ANKRD28: variants seen among roughly 807,000 people sequenced by gnomAD.
ANKRD28 encodes ankyrin repeat domain 28, also known as serine/threonine-protein phosphatase 6 regulatory ankyrin repeat subunit A.
ANKRD28 carries 44 observed loss-of-function variants against 126.5 expected under a neutral mutation model. That is an observed-to-expected ratio of 0.35 (90% CI 0.27 to 0.45). The LOEUF (loss-of-function observed/expected upper bound fraction) is 0.45. Ranked by LOEUF, ANKRD28 falls within the 20% of genes least tolerant of loss-of-function variation. The probability of loss-of-function intolerance (pLI) is 1.00; values close to 1 mark genes in which losing one functional copy is unlikely to be tolerated. For synonymous variants in ANKRD28, 442 were observed against 468.5 expected (o/e 0.94, Z 0.73); for missense variants, 1,110 against 1,316.6 (o/e 0.84, Z 2.43).
intron 4 of ANKRD28, among the ~76,000 whole-genome samples, chr3:15,750,957 G>A (rs531714544): frequency 2.0e-5 from 3 of 151,740 alleles, no homozygotes; most frequent in East Asian, 1.9e-4. Context: ...CTACTGTAAA[G>A]TAGGTAAAAT....
intron 18 of ANKRD28, among the ~76,000 whole-genome samples, chr3:15,688,009 C>G (rs767849335): frequency 1.3e-5 from 2 of 152,162 alleles, no homozygotes; most frequent in Non-Finnish European, 2.9e-5. Flanking sequence ...TGAAAGGCAT[C>G]TATAGATACA....
chr3:15,818,693 T>G (rs1035299264), intron 1 of ANKRD28, among the ~76,000 whole-genome samples: 2 of 152,156 alleles, frequency 1.3e-5, no homozygotes, highest in African/African-American at 4.8e-5. Flanking sequence ...ACAAGATACT[T>G]TAATATTTTT....
At chr3:15,708,127 A>C (rs2071715229) in intron 13 of ANKRD28, 63 bp from the exon 14 acceptor site, 1 of 1,514,876 alleles carries the variant, frequency 6.6e-7, no homozygotes, top group African/African-American at 1.4e-5. Flanking sequence ...AAACAAAAGC[A>C]TAGTTGACTC....
intron 4 of ANKRD28, among the ~76,000 whole-genome samples, chr3:15,749,441 T>A (rs991930593): frequency 6.6e-6 from 1 of 152,304 alleles, no homozygotes; most frequent in East Asian, 1.9e-4. Flanking sequence ...GGACTTCACT[T>A]TTCTCTGGTG....
At chr3:15,711,358 C>G in intron 11 of ANKRD28, 84 bp from the exon 12 acceptor site, 1 of 1,188,936 alleles carries the variant, frequency 8.4e-7, no homozygotes, top group South Asian at 1.3e-5. Flanking sequence ...AGAATCACAT[C>G]CTCCCCTCCA....
At chr3:15,848,354 G>A (rs1246904014) in intron 1 of ANKRD28, among the ~76,000 whole-genome samples, 1 of 152,178 alleles carries the variant, frequency 6.6e-6, no homozygotes, top group African/African-American at 2.4e-5. Flanking sequence ...CCTTGTGCAA[G>A]ACAGGGGCTA....
chr3:15,698,329 C>T (rs547923787), intron 14 of ANKRD28, among the ~76,000 whole-genome samples: 4 of 152,216 alleles, frequency 2.6e-5, no homozygotes, highest in African/African-American at 9.6e-5. Context: ...AAAACTGGCA[C>T]AAGACAGGGA....
chr3:15,746,693 T>C (rs2057499004), intron 4 of ANKRD28, among the ~76,000 whole-genome samples: 1 of 152,158 alleles, frequency 6.6e-6, no homozygotes, highest in African/African-American at 2.4e-5. Flanking sequence ...TTCCCTGGTT[T>C]TGGTATTAGG....
intron 4 of ANKRD28, among the ~76,000 whole-genome samples, chr3:15,739,960 T>A (rs1019168076): frequency 1.3e-5 from 2 of 152,210 alleles, no homozygotes; most frequent in Non-Finnish European, 2.9e-5. Context: ...CATCCAAGAA[T>A]GCTCATAGCA....
chr3:15,678,283 T>C lies in ANKRD28; in HGVS notation c.2633A>G (p.Gln878Arg). The C allele has an allele frequency of 1.9e-6, 3 of 1,613,166 alleles. No individual in the cohort carries two copies. The highest frequency in any genetic ancestry group is 1.7e-6 in the Non-Finnish European group (2 of 1,179,646). ...CCCTGTAGAGTCCACAGAATTGACTTGAGCATTATGGCTGAGCAGCAGCTG... is the reference window on the plus strand; with the variant it reads ...CCCTGTAGAGTCCACAGAATTGACTCGAGCATTATGGCTGAGCAGCAGCTG... ...CLQLLLSHNA[Q>R]VNSVDSTGKT... is the part of the protein sequence containing the mutation. Residue 878 changes from glutamine (Q) to arginine (R), a missense_variant, in exon 24 of 28, where the codon CAA becomes CGA. Physicochemically the swap from Gln to Arg is conservative, Grantham distance 43. Transcript: ENST00000683139.
At chr3:15,784,733 A>C (rs1002371605) in intron 2 of ANKRD28, among the ~76,000 whole-genome samples, 6 of 152,098 alleles carry the variant, frequency 3.9e-5, no homozygotes, top group African/African-American at 1.4e-4. Flanking sequence ...CGATCAAAAA[A>C]CAATATCCAA....
At position 15,668,928 on chromosome 3, in the gene ANKRD28, A is replaced by T. The variant is rs1294441687; in HGVS notation, c.*1342T>A. 1 of 152,688 alleles carries T rather than the reference A, an allele frequency of 6.5e-6. No individual in the cohort carries two copies. The highest frequency in any genetic ancestry group is 1.9e-4 in the East Asian group (1 of 5,200). The allele number at this position is 152,688 out of a possible 1,614,324, so 9.5% of individuals were successfully genotyped here. The stretch of plus-strand genomic sequence containing the variant: ...CATACCTGTAAGACCCTCAATGTAT[A>T]TGAAATCATTTTCACTGGGAAAGTG... On this transcript the variant is annotated 3_prime_UTR_variant, in exon 28 of 28. Transcript: ENST00000683139.
At chr3:15,749,232 TC>T (rs1178042425) in intron 4 of ANKRD28, among the ~76,000 whole-genome samples, 1 of 149,452 alleles carries the variant, frequency 6.7e-6, no homozygotes, top group African/African-American at 2.5e-5. Context: ...TGCCTCAGCC[TC>T]CCGAGTAGCT....
chr3:15,774,103 T>C (rs1436182121), intron 2 of ANKRD28, among the ~76,000 whole-genome samples: 1 of 152,158 alleles, frequency 6.6e-6, no homozygotes, highest in Non-Finnish European at 1.5e-5. Flanking sequence ...GCCACAAAAT[T>C]AACCTCCATC....
At chr3:15,837,486 AAAG>A (rs2061349940) in intron 1 of ANKRD28, among the ~76,000 whole-genome samples, 1 of 152,220 alleles carries the variant, frequency 6.6e-6, no homozygotes, top group Non-Finnish European at 1.5e-5. Flanking sequence ...TCAAAGATAA[AAAG>A]AAATTTCAGA....
At chr3:15,835,138 ACT>A (rs2125947478) in intron 1 of ANKRD28, among the ~76,000 whole-genome samples, 1 of 152,248 alleles carries the variant, frequency 6.6e-6, no homozygotes, top group Non-Finnish European at 1.5e-5. Flanking sequence ...AAAGAGCAAG[ACT>A]CTGTATCAAA....
intron 1 of ANKRD28, among the ~76,000 whole-genome samples, chr3:15,849,607 G>C (rs960292552): frequency 6.6e-6 from 1 of 152,170 alleles, no homozygotes; most frequent in African/African-American, 2.4e-5. Context: ...TACTTCCAGA[G>C]AGTTGGAATT....
At chr3:15,749,101 G>GTTTTTTTT (rs869266246) in intron 4 of ANKRD28, among the ~76,000 whole-genome samples, 87 of 53,004 alleles carry the variant, frequency 1.6e-3, no homozygotes, top group East Asian at 5.3e-3. Flanking sequence ...TTATGTTTTT[G>GTTTTTTTT]TTTTTTTTTT....
intron 1 of ANKRD28, among the ~76,000 whole-genome samples, chr3:15,821,951 C>T (rs2060950509): frequency 1.3e-5 from 2 of 152,170 alleles, no homozygotes; most frequent in Admixed American, 1.3e-4. Context: ...AAAAGCATAT[C>T]TCTCTCATCT....
Sources: gnomAD v4.1 joint callset for allele counts (sites outside exome capture counted in the v4.1 genomes callset) on GRCh38, gnomAD v4.1.1 for gene constraint, MANE v1.5 for transcripts, NCBI Gene and HGNC (gene_info 2026-07-23, HGNC 2026-07-21) for gene names.